MDN1: variants seen among roughly 807,000 people sequenced by gnomAD.
MDN1 encodes midasin AAA ATPase 1.
In MDN1, 266 loss-of-function variants were observed where a neutral mutation model predicts 669.2. The ratio of observed to expected loss-of-function variants is 0.40; its 90% CI spans 0.36 to 0.44. The LOEUF is 0.44. Among genes scored for constraint, MDN1 ranks in the 20% least tolerant of loss-of-function variants. MDN1 has a pLI of 1.00. For missense variants in MDN1, 5,940 were observed against 6,754.0 expected (o/e 0.88, Z 4.22); for synonymous variants, 2,385 against 2,457.1 (o/e 0.97, Z 0.87).
intron 86 of MDN1, 59 bp downstream of exon 86, chr6:89,662,733 G>A: frequency 6.5e-7 from 1 of 1,547,518 alleles, no homozygotes; most frequent in Non-Finnish European, 8.9e-7. Flanking sequence ...GAGAATGGTA[G>A]GTTGTGGGCA....
intron 95 of MDN1, among the ~76,000 whole-genome samples, chr6:89,651,602 C>T (rs575028607): frequency 2.6e-4 from 39 of 152,190 alleles, no homozygotes; most frequent in African/African-American, 8.9e-4. Flanking sequence ...GGCAAGAGAG[C>T]AAGACTCCAT....
At chr6:89,725,120 A>ATATCCT in intron 38 of MDN1, 79 bp downstream of exon 38, 2 of 1,316,218 alleles carry the variant, frequency 1.5e-6, no homozygotes, top group Non-Finnish European at 2.2e-6. Flanking sequence ...CTCATAGTGA[A>ATATCCT]TATCCTTAAA....
intron 95 of MDN1, 103 bp downstream of exon 95, chr6:89,652,089 T>C: frequency 1.2e-6 from 1 of 853,072 alleles, no homozygotes; most frequent in Non-Finnish European, 1.9e-6. Flanking sequence ...CCTGGTCCTT[T>C]TTGTTAAGGT....
intron 79 of MDN1, 83 bp downstream of exon 79, chr6:89,674,021 C>T: frequency 7.0e-7 from 1 of 1,431,556 alleles, no homozygotes; most frequent in Non-Finnish European, 9.3e-7. Flanking sequence ...TCTGTTCACA[C>T]CCTTCCCTTC....
rs1432226863 is a variant in MDN1 at position 89,680,659 on chromosome 6, C to T, written c.12195G>A (p.Arg4065=). The change falls in exon 74 of 102, where the codon AGG becomes AGA. Residue 4065 remains arginine, a synonymous_variant. Coordinates refer to ENST00000369393, the MANE Select transcript of MDN1 (RefSeq NM_014611.3). ...RRLPKLRKRM[R]KMCLTFMKES... ...CCTTCATGAACGTCAGGCACATCTT[C>T]CTCATGCGTTTCCTGAGCTTTGGCA... 6.2e-7 allele frequency: 1 copy of T among 1,614,214 alleles called. No homozygotes were observed. Among genetic ancestry groups the T allele is most frequent in the South Asian group, 1.1e-5 (1 of 91,082 alleles).
chr6:89,750,892 T>G (rs950539460), intron 23 of MDN1, among the ~76,000 whole-genome samples: 3 of 148,584 alleles, frequency 2.0e-5, no homozygotes, highest in Non-Finnish European at 3.0e-5. Context: ...CATGAGCCAC[T>G]GCACCTGGCC....
At chr6:89,673,088 G>A (rs1584146937) in intron 80 of MDN1, 148 bp downstream of exon 80, 2 of 685,030 alleles carry the variant, frequency 2.9e-6, no homozygotes, top group East Asian at 2.7e-5. Flanking sequence ...TAAGAGCTGT[G>A]GATTTCAACC....
intron 63 of MDN1, 131 bp from the exon 64 acceptor site, chr6:89,690,965 G>T: frequency 9.1e-7 from 1 of 1,100,996 alleles, no homozygotes; most frequent in Non-Finnish European, 1.3e-6. Flanking sequence ...CAACATCCAA[G>T]AAACTAAATT....
Position 89,762,312 on chromosome 6 carries a change from T to C in MDN1, c.2356+7A>G. 2 of 1,612,866 alleles carry C rather than the reference T, an allele frequency of 1.2e-6. No individual in the cohort carries two copies. The highest frequency in any genetic ancestry group is 1.7e-6 in the Non-Finnish European group (2 of 1,179,152). ...CTCCCCCATGGCAGCCTGGGTCACA[T>C]CCTTACCAGTTTCACTGTCTTTTCC... is the stretch of plus-strand genomic sequence containing the variant. On this transcript the variant is annotated splice_region_variant and intron_variant, in intron 16 of 101. Transcript: ENST00000369393.
intron 88 of MDN1, among the ~76,000 whole-genome samples, chr6:89,660,297 C>T (rs937275173): frequency 2.6e-5 from 4 of 152,094 alleles, no homozygotes; most frequent in African/African-American, 9.7e-5. Flanking sequence ...GCAAGTCTCT[C>T]GCCTCAGCTC....
chr6:89,646,496 A>G lies in MDN1; in HGVS notation c.16459+44T>C, dbSNP rs758624901. The stretch of plus-strand genomic sequence containing the variant: ...AGCAAGCAGCTTGGGAATATAGAGT[A>G]CAAGAAAGCATTTTGTTAATGAAGA... On this transcript the variant is annotated intron_variant, in intron 100 of 101. Transcript: ENST00000369393. The G allele has an allele frequency of 1.9e-5, 30 of 1,561,150 alleles. No individual in the cohort carries two copies. In the East Asian group the frequency reaches 6.3e-4, roughly 33 times the overall value.
rs754352690 is a variant in MDN1 at position 89,819,587 on chromosome 6, C to T, written c.21G>A (p.Glu7=). 1.2e-6 allele frequency: 2 copies of T among 1,602,252 alleles called. No homozygotes were observed. The highest frequency in any genetic ancestry group is 3.3e-5 in the Admixed American group (2 of 60,014). MEHFLL[E]VAAAPLRLIA... is the part of the protein sequence containing the mutation. ...TTAACCGCAGCGGCGCGGCTGCCAC[C>T]TCCAGCAAGAAGTGCTCCATGACCC... Residue 7 remains glutamate (E), a synonymous_variant, in exon 1 of 102, where the codon GAG becomes GAA. Coordinates refer to ENST00000369393, the MANE Select transcript of MDN1 (RefSeq NM_014611.3).
At chr6:89,761,399 A>AT (rs746981984) in intron 17 of MDN1, among the ~76,000 whole-genome samples, 5 of 151,990 alleles carry the variant, frequency 3.3e-5, no homozygotes, top group Non-Finnish European at 5.9e-5. Flanking sequence ...AAATCATAAC[A>AT]CCCTTTTGTA....
rs1809476495 is a variant in MDN1, at chr6:89,658,387, A to C, written c.15022-17T>G. On this transcript the variant is annotated splice_polypyrimidine_tract_variant and intron_variant, in intron 89 of 101. Transcript: ENST00000369393. ...TTCTTCCTCCTTCGGCAGAGAAATCAAACACAGCATTAAATGCTCTGGGGG... is the reference window on the plus strand; with the variant it reads ...TTCTTCCTCCTTCGGCAGAGAAATCCAACACAGCATTAAATGCTCTGGGGG... 2 of 1,613,726 alleles carry C rather than the reference A, an allele frequency of 1.2e-6. No homozygotes were observed. The highest frequency in any genetic ancestry group is 8.5e-7 in the Non-Finnish European group (1 of 1,179,990).
chr6:89,675,880 G>A (rs1367095037), intron 77 of MDN1: 4 of 549,272 alleles, frequency 7.3e-6, no homozygotes, highest in Non-Finnish European at 1.3e-5. Flanking sequence ...TAAACATTAA[G>A]AAAATCTGTC....
chr6:89,751,295 T>C, intron 23 of MDN1, 136 bp downstream of exon 23: 1 of 1,159,826 alleles, frequency 8.6e-7, no homozygotes. Context: ...GTTATAGTAC[T>C]GACTTTTGTA....
intron 43 of MDN1, 147 bp from the exon 44 acceptor site, chr6:89,716,956 A>T (rs548605476): frequency 1.1e-6 from 1 of 928,356 alleles, no homozygotes; most frequent in South Asian, 2.0e-5. Context: ...CTTCTGTTTA[A>T]ACACAGATAG....
At chr6:89,731,808 C>A (rs935379897) in intron 34 of MDN1, among the ~76,000 whole-genome samples, 3 of 146,490 alleles carry the variant, frequency 2.0e-5, no homozygotes, top group South Asian at 2.4e-4. Context: ...GCCCCCCCCC[C>A]CCACCTTTTC....
At chr6:89,817,416 G>T (rs1333724687) in intron 1 of MDN1, among the ~76,000 whole-genome samples, 1 of 152,152 alleles carries the variant, frequency 6.6e-6, no homozygotes, top group Non-Finnish European at 1.5e-5. Flanking sequence ...GGACACTACA[G>T]CTACACAATC....
Sources: gnomAD v4.1 joint callset for allele counts (sites outside exome capture counted in the v4.1 genomes callset) on GRCh38, gnomAD v4.1.1 for gene constraint, MANE v1.5 for transcripts, NCBI Gene and HGNC (gene_info 2026-07-23, HGNC 2026-07-21) for gene names.